ABCC9: variants seen among roughly 807,000 people sequenced by gnomAD.
The protein encoded by ABCC9 is ATP-binding cassette sub-family C member 9.
Under a neutral mutation model 188.3 loss-of-function variants are expected in ABCC9, and 95 were observed. The observed-to-expected ratio is 0.50, with a 90% CI of 0.43 to 0.60. The LOEUF is 0.60. Among genes scored for constraint, ABCC9 ranks in the 20% least tolerant of loss-of-function variants. The pLI, the probability that ABCC9 is intolerant of heterozygous loss-of-function variation, is 0.00. For synonymous variants in ABCC9, 659 were observed against 652.7 expected, an observed-to-expected ratio of 1.01 and a Z score of -0.15; for missense variants, 1,102 against 1,876.3, an observed-to-expected ratio of 0.59 and a Z score of 7.62.
rs1309452993 is a variant in ABCC9 at position 21,799,153 on chromosome 12, C to T, written c.*1891G>A. The T allele has an allele frequency of 3.4e-5, 5 of 147,622 alleles. No individual in the cohort carries two copies. The highest frequency in any genetic ancestry group is 2.0e-4 in the East Asian group (1 of 4,974). 9.1% of individuals were successfully genotyped at this position (147,622 alleles called of 1,614,324 possible). A position where few individuals can be genotyped will look rare whatever the true frequency, so the allele number is the denominator to read the frequency against. ...GGGAGATATACCTAATGCTAGATGA[C>T]GAGTTAGTGGGTGCAGCGCACCAGC... On this transcript the variant is annotated 3_prime_UTR_variant, in exon 40 of 40. Transcript: ENST00000261200.
intron 31 of ABCC9, among the ~76,000 whole-genome samples, chr12:21,822,827 G>A (rs1217602506): frequency 6.7e-6 from 1 of 149,482 alleles, no homozygotes; most frequent in Admixed American, 6.7e-5. Context: ...TTAGGTCTCC[G>A]ATGTTCACTT....
At chr12:21,813,889 ATCG>A (rs1942429886) in intron 35 of ABCC9, among the ~76,000 whole-genome samples, 6 of 152,216 alleles carry the variant, frequency 3.9e-5, no homozygotes, top group Non-Finnish European at 8.8e-5. Context: ...TACTATAGTC[ATCG>A]TAATCATTAC....
intron 14 of ABCC9, among the ~76,000 whole-genome samples, chr12:21,890,578 C>T (rs1016139496): frequency 9.2e-5 from 14 of 151,998 alleles, no homozygotes; most frequent in Non-Finnish European, 1.8e-4. Context: ...CCTAAATGTC[C>T]AACAACAATA....
intron 29 of ABCC9, among the ~76,000 whole-genome samples, chr12:21,841,866 T>G (rs1944411694): frequency 6.6e-6 from 1 of 152,200 alleles, no homozygotes; most frequent in East Asian, 1.9e-4. Context: ...ATAGATTTCA[T>G]TATGTTTCAT....
intron 22 of ABCC9, among the ~76,000 whole-genome samples, chr12:21,856,281 A>G (rs1475878352): frequency 6.6e-6 from 1 of 152,158 alleles, no homozygotes; most frequent in Non-Finnish European, 1.5e-5. Flanking sequence ...TCCTTTAAAG[A>G]AAGCAAGACA....
intron 14 of ABCC9, among the ~76,000 whole-genome samples, chr12:21,893,194 T>TATA (rs1947253124): frequency 6.6e-6 from 1 of 152,098 alleles, no homozygotes; most frequent in Admixed American, 6.6e-5. Context: ...AAAATGGTCT[T>TATA]ATATCACATC....
intron 31 of ABCC9, among the ~76,000 whole-genome samples, chr12:21,819,288 C>T (rs1356034147): frequency 6.6e-6 from 1 of 152,138 alleles, no homozygotes; most frequent in Non-Finnish European, 1.5e-5. Flanking sequence ...CTGATAAACT[C>T]CTTCTCTAGA....
Position 21,861,395 on chromosome 12 carries a change from T to A in ABCC9, c.2340-340A>T, listed in dbSNP as rs559768493. Among the ~76,000 whole-genome samples the A allele has an allele frequency of 1.1e-3, 169 of 152,214 alleles. 1 individual carries two copies. Among genetic ancestry groups the A allele is most frequent in the Non-Finnish European group, 1.8e-3 (125 of 68,016 alleles). The stretch of plus-strand genomic sequence containing the variant: ...ACAGATGTGCACCACCATACCCAGC[T>A]AATTATTTTGCATTTTAGTAGAGAC... On this transcript the variant is annotated intron_variant, in intron 20 of 39. Transcript: ENST00000261200.
At chr12:21,819,697 T>C (rs980648007) in intron 31 of ABCC9, among the ~76,000 whole-genome samples, 32 of 152,318 alleles carry the variant, frequency 2.1e-4, no homozygotes, top group South Asian at 1.5e-3. Flanking sequence ...TCTTTTTTTT[T>C]CCCTTTGGAT....
intron 30 of ABCC9, among the ~76,000 whole-genome samples, chr12:21,829,430 T>C (rs1478398446): frequency 6.6e-6 from 1 of 152,102 alleles, no homozygotes; most frequent in Non-Finnish European, 1.5e-5. Flanking sequence ...CTCGATCTCC[T>C]GACCTTGTGA....
chr12:21,850,288 C>T (rs959635597), intron 24 of ABCC9, among the ~76,000 whole-genome samples: 1 of 152,000 alleles, frequency 6.6e-6, no homozygotes, highest in East Asian at 1.9e-4. Context: ...ACAAAGTAAA[C>T]CGAAATCTGT....
chr12:21,831,678 G>A (rs1159744797), intron 30 of ABCC9, among the ~76,000 whole-genome samples: 1 of 152,182 alleles, frequency 6.6e-6, no homozygotes, highest in Non-Finnish European at 1.5e-5. Context: ...TCTGAGTGAG[G>A]TTTTTAAAGG....
Position 21,908,649 on chromosome 12 carries a change from T to C in ABCC9, c.1321-438A>G, listed in dbSNP as rs1335411465. Among the ~76,000 whole-genome samples the C allele has an allele frequency of 3.3e-5, 5 of 151,898 alleles. 1 individual carries two copies. On this transcript the variant is annotated intron_variant, in intron 10 of 39. Transcript: ENST00000261200. Reference sequence around the variant, plus strand: ...TACTAGCTTTTCAAGGCTGAGAGGATGAAAAGTAGGGGGCAGCATCATGTG... The same window carrying C: ...TACTAGCTTTTCAAGGCTGAGAGGACGAAAAGTAGGGGGCAGCATCATGTG...
intron 12 of ABCC9, among the ~76,000 whole-genome samples, chr12:21,897,719 T>A (rs1294194514): frequency 6.6e-6 from 1 of 152,196 alleles, no homozygotes; most frequent in African/African-American, 2.4e-5. Context: ...AAACTTGAAG[T>A]GGTCAAACTG....
chr12:21,909,507 T>G (rs889703843), intron 10 of ABCC9, among the ~76,000 whole-genome samples: 1 of 151,960 alleles, frequency 6.6e-6, no homozygotes, highest in Non-Finnish European at 1.5e-5. Flanking sequence ...TTTTGCCATT[T>G]TTACCCAGCT....
intron 13 of ABCC9, among the ~76,000 whole-genome samples, chr12:21,894,900 C>A (rs1947326898): frequency 6.6e-6 from 1 of 152,152 alleles, no homozygotes; most frequent in African/African-American, 2.4e-5. Context: ...ATCTGGGAAC[C>A]AGATCGTTGA....
At chr12:21,933,400 A>G (rs927638784) in intron 4 of ABCC9, among the ~76,000 whole-genome samples, 1 of 152,102 alleles carries the variant, frequency 6.6e-6, no homozygotes, top group Non-Finnish European at 1.5e-5. Flanking sequence ...AATTGGTTTT[A>G]TTACAAATCT....
At chr12:21,851,521 A>G (rs1944964137) in intron 24 of ABCC9, among the ~76,000 whole-genome samples, 1 of 152,210 alleles carries the variant, frequency 6.6e-6, no homozygotes, top group African/African-American at 2.4e-5. Context: ...TGTGAGAATT[A>G]AAACACATCA....
chr12:21,842,457 G>A lies in ABCC9; in HGVS notation c.3330C>T (p.Thr1110=). Residue 1110 remains threonine, a synonymous_variant, in exon 29 of 40, where the codon ACC becomes ACT. Transcript: ENST00000261200. The part of the protein sequence containing the change: ...TNIIDQHIPP[T]LESLTRSTLL... ...GTGTTGAGCGAGTTAGAGATTCCAA[G>A]GTTGGAGGGATGTGCTATTAGGGTA... The A allele has an allele frequency of 6.2e-7, 1 of 1,614,122 alleles. No homozygotes were observed. The highest frequency in any genetic ancestry group is 1.1e-5 in the South Asian group (1 of 91,080).
Sources: allele counts gnomAD v4.1 joint callset (sites outside exome capture counted in the v4.1 genomes callset), GRCh38; gene constraint gnomAD v4.1.1; transcripts MANE v1.5; gene names NCBI Gene and HGNC (gene_info 2026-07-23, HGNC 2026-07-21).